COL18A1: variants seen among roughly 807,000 people sequenced by gnomAD.
The protein encoded by COL18A1 is collagen type XVIII alpha 1 chain.
Under a neutral mutation model 168.0 loss-of-function variants are expected in COL18A1, and 133 were observed. The observed-to-expected ratio is 0.79, with a 90% CI of 0.69 to 0.91. The LOEUF (loss-of-function observed/expected upper bound fraction) is 0.91. Among genes scored for constraint, COL18A1 ranks in the 40% least tolerant of loss-of-function variants. The pLI is 0.00. For missense variants in COL18A1, 2,126 were observed against 1,925.4 expected (o/e 1.10, Z -1.95); for synonymous variants, 949 against 809.0 (o/e 1.17, Z -2.94).
chr21:45,490,332 ATTGCTGGGCCCCAGGTGAGTTGCC>A lies in COL18A1; in HGVS notation c.2021_2031+13del. On this transcript the variant is annotated splice_donor_variant and splice_donor_5th_base_variant and coding_sequence_variant and intron_variant, in exon 20 of 42. Transcript: ENST00000651438. LOFTEE classifies it high-confidence loss of function. ...CCCCGGCCTCCCTGGCAGAGAGGGC[ATTGCTGGGCCCCAGGTGAGTTGCC>A]TTGGTGGGCCCAGGGTGCAGGGGGG... 6.3e-7 allele frequency: 1 copy of A among 1,582,762 alleles called. No homozygotes were observed. The highest frequency in any genetic ancestry group is 2.3e-5 in the East Asian group (1 of 43,426).
Position 45,494,551 on chromosome 21 carries a change from C to G in COL18A1, c.2359C>G (p.Pro787Ala). Residue 787 changes from proline to alanine, a missense_variant, in exon 27 of 42, where the codon CCG becomes GCG. Transcript: ENST00000651438. ...TTCTTGTTTTTTTGCTCAGGGAGAG[C>G]CGGGCTTCCGAGGACCCCCGGTAAG... Reference protein sequence around the residue: ...GPAQKGAKGEPGFRGPPGPYG... With the variant: ...GPAQKGAKGEAGFRGPPGPYG... The G allele has an allele frequency of 6.2e-7, 1 of 1,613,336 alleles. No individual in the cohort carries two copies. The highest frequency in any genetic ancestry group is 8.5e-7 in the Non-Finnish European group (1 of 1,179,988).
At chr21:45,481,683 C>T (rs987813099) in intron 13 of COL18A1, among the ~76,000 whole-genome samples, 2 of 152,254 alleles carry the variant, frequency 1.3e-5, no homozygotes, top group Admixed American at 6.5e-5. Context: ...GCCAGACTGC[C>T]TCTCAGAGGG....
chr21:45,438,263 C>T (rs2034259823), intron 2 of COL18A1, among the ~76,000 whole-genome samples: 1 of 66,346 alleles, frequency 1.5e-5, no homozygotes, highest in East Asian at 5.1e-4. Context: ...CACACACACT[C>T]ACACTCAGAC....
intron 37 of COL18A1, chr21:45,506,871 C>G (rs2037240460): frequency 5.2e-6 from 1 of 190,748 alleles, no homozygotes; most frequent in Admixed American, 5.4e-5. Flanking sequence ...TGCAGCACCC[C>G]AGACAGTGAA....
chr21:45,505,303 G>C (rs372722421), intron 35 of COL18A1, 25 bp downstream of exon 35: 4 of 1,604,376 alleles, frequency 2.5e-6, no homozygotes, highest in Admixed American at 3.3e-5. Flanking sequence ...AGTGGGCCCC[G>C]GGCAGAGGCC....
rs142892218 is a variant in COL18A1 at position 45,507,359 on chromosome 21, G to A, written c.3217-202G>A. The A allele has an allele frequency of 0.12, 75,038 of 612,720 alleles. 4,971 individuals are homozygous for A. The highest frequency in any genetic ancestry group is 0.17 in the Admixed American group (7,089 of 41,536). The allele number at this position is 612,720 out of a possible 1,614,324, so 38.0% of individuals were successfully genotyped here. ...GGGTGCTGGGCAGGGAGGGCACCCT[G>A]CTGTGGACTGGGAGGGCCGGGTGCT... On this transcript the variant is annotated intron_variant, in intron 37 of 41. Coordinates refer to ENST00000651438, the MANE Select transcript of COL18A1 (RefSeq NM_001379500.1).
At chr21:45,499,726 C>T (rs997755553) in intron 32 of COL18A1, among the ~76,000 whole-genome samples, 7 of 152,308 alleles carry the variant, frequency 4.6e-5, no homozygotes, top group East Asian at 1.9e-4. Flanking sequence ...CTATATTGGA[C>T]GGTGAGGTTG....
In COL18A1 at chr21:45,457,256, G is replaced by A. The variant is rs1462507650; in HGVS notation, c.107-10986G>A. ...CTCACCCCAGGGAGCCGAGATTCCCGCTCAGGTGTGGCTGCATCGACCTTG... is the reference window on the plus strand; with the variant it reads ...CTCACCCCAGGGAGCCGAGATTCCCACTCAGGTGTGGCTGCATCGACCTTG... On this transcript the variant is annotated intron_variant, in intron 2 of 41. Coordinates refer to ENST00000651438, the MANE Select transcript of COL18A1 (RefSeq NM_001379500.1). The surrounding 1 kb of genome is among the most constrained non-coding windows in gnomAD (Gnocchi z 4.6). Among the ~76,000 whole-genome samples the A allele has an allele frequency of 6.6e-6, 1 of 152,180 alleles. No homozygotes were observed. Among genetic ancestry groups the A allele is most frequent in the South Asian group, 2.1e-4 (1 of 4,832 alleles).
Position 45,505,406 on chromosome 21 carries a change from CT to C in COL18A1, c.3063del (p.Gly1022GlufsTer9), listed in dbSNP as rs1568943114. On this transcript the variant is annotated frameshift_variant, in exon 36 of 42. Transcript: ENST00000651438. LOFTEE classifies it high-confidence loss of function. ...PPGPPGPPGP[P>X]GTMGASSGVR... ...GGCCCCCCTGGGCCCCCTGGGCCCC[CT>C]GGAACCATGGGCGCCTCCTCAGGGG... 6.3e-7 allele frequency: 1 copy of C among 1,576,472 alleles called. No individual in the cohort carries two copies. Among genetic ancestry groups the C allele is most frequent in the Admixed American group, 1.7e-5 (1 of 58,120 alleles).
chr21:45,505,288 T>C lies in COL18A1; in HGVS notation c.3013+10T>C, dbSNP rs776971649. On this transcript the variant is annotated intron_variant, in intron 35 of 41. Transcript: ENST00000651438. ...GGCCCTCACAGGCAGAGTAAGTCAG[T>C]GGGGAGTGGGCCCCGGGCAGAGGCC... 1 of 1,606,958 alleles carries C rather than the reference T, an allele frequency of 6.2e-7. No individual in the cohort carries two copies. The highest frequency in any genetic ancestry group is 8.5e-7 in the Non-Finnish European group (1 of 1,175,412).
At chr21:45,417,354 G>A (rs1048809775) in intron 2 of COL18A1, among the ~76,000 whole-genome samples, 11 of 152,216 alleles carry the variant, frequency 7.2e-5, no homozygotes, top group Non-Finnish European at 1.2e-4. Flanking sequence ...CTTGTGGGCT[G>A]TTCCACTGTA....
At chr21:45,477,729 C>G in intron 7 of COL18A1, 21 bp from the exon 8 acceptor site, 9 of 1,525,228 alleles carry the variant, frequency 5.9e-6, no homozygotes, top group Non-Finnish European at 7.9e-6. Context: ...AGCCCGAGCC[C>G]TGTGTTCTGT....
rs1246641362 is a variant in COL18A1 at position 45,463,948 on chromosome 21, TATATC to T, written c.107-4291_107-4287del. 6.6e-6 allele frequency among the ~76,000 whole-genome samples: 1 copy of T among 152,058 alleles called. No individual in the cohort carries two copies. ...TCAAGTCTTGAGGCATCATCATTGT[TATATC>T]ATGTGCAGGTGTCTAGCCTGGATGC... On this transcript the variant is annotated intron_variant, in intron 2 of 41. Coordinates refer to ENST00000651438, the MANE Select transcript of COL18A1 (RefSeq NM_001379500.1). This position sits in a 1 kb window ranked among gnomAD's most constrained non-coding sequence, Gnocchi z 4.0.
intron 2 of COL18A1, chr21:45,455,581 C>G: frequency 6.2e-7 from 1 of 1,613,942 alleles, no homozygotes; most frequent in Non-Finnish European, 8.5e-7. Flanking sequence ...TCTTCTGCTG[C>G]CTGGCGGCTG....
chr21:45,471,119 G>A lies in COL18A1; in HGVS notation c.651+2333G>A, dbSNP rs866259772. Reference sequence around the variant, plus strand: ...CCGTGTGCTGCTGGGCCTGGGTGGCGCACTACGGGCCTTGTGCTGCTGGGC... The same window carrying A: ...CCGTGTGCTGCTGGGCCTGGGTGGCACACTACGGGCCTTGTGCTGCTGGGC... On this transcript the variant is annotated intron_variant, in intron 3 of 41. Coordinates refer to ENST00000651438, the MANE Select transcript of COL18A1 (RefSeq NM_001379500.1). The surrounding 1 kb of genome is among the most constrained non-coding windows in gnomAD (Gnocchi z 4.4). Among the ~76,000 whole-genome samples, 4 of 151,618 alleles carry A rather than the reference G, an allele frequency of 2.6e-5. No homozygotes were observed. Among genetic ancestry groups the A allele is most frequent in the South Asian group, 4.2e-4 (2 of 4,792 alleles).
chr21:45,445,454 C>T (rs558223571), intron 2 of COL18A1, among the ~76,000 whole-genome samples: 2 of 152,270 alleles, frequency 1.3e-5, no homozygotes, highest in African/African-American at 4.8e-5. Context: ...CGTGTGTCTT[C>T]GTTTCTCTCG....
At chr21:45,500,375 G>C (rs1218709508) in intron 32 of COL18A1, among the ~76,000 whole-genome samples, 1 of 128,846 alleles carries the variant, frequency 7.8e-6, no homozygotes, top group Non-Finnish European at 1.7e-5. Context: ...GTGTGAGGGG[G>C]TGGGGGTGTG....
At chr21:45,410,855 C>T (rs2033268772) in intron 2 of COL18A1, among the ~76,000 whole-genome samples, 1 of 152,238 alleles carries the variant, frequency 6.6e-6, no homozygotes, top group Admixed American at 6.5e-5. Context: ...CGGCTTCACG[C>T]CGTCTGGCAT....
chr21:45,421,009 G>A (rs2033603942), intron 2 of COL18A1: 2 of 189,788 alleles, frequency 1.1e-5, no homozygotes, highest in African/African-American at 2.3e-5. Context: ...AGGACAGTCT[G>A]TGCCACTCAC....
Sources: allele counts gnomAD v4.1 joint callset (sites outside exome capture counted in the v4.1 genomes callset), GRCh38; gene constraint gnomAD v4.1.1; non-coding constraint Gnocchi (gnomAD v3.1); transcripts MANE v1.5; gene names NCBI Gene and HGNC (gene_info 2026-07-23, HGNC 2026-07-21).